ATG10: variants seen among roughly 807,000 people sequenced by gnomAD.
The protein encoded by ATG10 is autophagy related 10.
ATG10 carries 30 observed loss-of-function variants against 32.1 expected under a neutral mutation model. The observed-to-expected ratio is 0.94, with a 90% CI of 0.70 to 1.27. ATG10 has a LOEUF of 1.27. Ranked by LOEUF, ATG10 falls within the 50% of genes most tolerant of loss-of-function variation. The probability of loss-of-function intolerance (pLI) is 0.00; values close to 1 mark genes in which losing one functional copy is unlikely to be tolerated. For missense variants in ATG10, 233 were observed against 262.3 expected, an observed-to-expected ratio of 0.89 and a Z score of 0.77; for synonymous variants, 87 against 91.5, an observed-to-expected ratio of 0.95 and a Z score of 0.28.
At chr5:82,092,755 A>G (rs1305007549) in intron 3 of ATG10, among the ~76,000 whole-genome samples, 1 of 152,194 alleles carries the variant, frequency 6.6e-6, no homozygotes, top group Non-Finnish European at 1.5e-5. Flanking sequence ...CTGCAAGCTC[A>G]GCCAGATATT....
At chr5:82,136,599 T>G (rs1323827976) in intron 3 of ATG10, among the ~76,000 whole-genome samples, 1 of 152,230 alleles carries the variant, frequency 6.6e-6, no homozygotes, top group African/African-American at 2.4e-5. Flanking sequence ...AGATCCACTG[T>G]TAGTCTGATG....
chr5:82,049,760 A>G lies in ATG10; in HGVS notation c.109-8735A>G, dbSNP rs916279755. ...GTTAGTAACTAGAGAGTGAGTTCAA[A>G]AAGGTAAGAAAATAAAAACAAAAAT... On this transcript the variant is annotated intron_variant, in intron 2 of 7. Transcript: ENST00000282185. 4.6e-5 allele frequency among the ~76,000 whole-genome samples: 7 copies of G among 152,128 alleles called. No homozygotes were observed. In the South Asian group the frequency reaches 6.2e-4, roughly 14 times the overall value.
intron 5 of ATG10, among the ~76,000 whole-genome samples, chr5:82,229,736 G>A (rs1746272990): frequency 6.6e-6 from 1 of 152,110 alleles, no homozygotes; most frequent in Non-Finnish European, 1.5e-5. Context: ...AGTCCTCCAT[G>A]TCTGCAGGTG....
intron 2 of ATG10, among the ~76,000 whole-genome samples, chr5:82,044,944 C>T (rs1763192168): frequency 6.6e-6 from 1 of 152,206 alleles, no homozygotes; most frequent in Admixed American, 6.5e-5. Context: ...TTGTACTCTG[C>T]TGCACAGATT....
intron 3 of ATG10, among the ~76,000 whole-genome samples, chr5:82,069,714 T>G (rs1157552568): frequency 6.6e-6 from 1 of 152,230 alleles, no homozygotes; most frequent in Non-Finnish European, 1.5e-5. Flanking sequence ...AATATTAGTA[T>G]AAATATTTTG....
At chr5:82,215,923 G>T (rs896383647) in intron 5 of ATG10, among the ~76,000 whole-genome samples, 1 of 141,336 alleles carries the variant, frequency 7.1e-6, no homozygotes, top group African/African-American at 2.8e-5. Flanking sequence ...CAACAAGAGC[G>T]AAACTCCATC....
chr5:82,252,435 C>A, intron 5 of ATG10, 127 bp from the exon 6 acceptor site: 1 of 657,036 alleles, frequency 1.5e-6, no homozygotes, highest in Non-Finnish European at 2.7e-6. Flanking sequence ...AGAAAATAAA[C>A]CTGTATATTA....
chr5:82,200,463 CTTTTTTTTTTTTTT>C (rs764388608), intron 5 of ATG10, among the ~76,000 whole-genome samples: 15 of 52,500 alleles, frequency 2.9e-4, no homozygotes, highest in Admixed American at 5.4e-4. Flanking sequence ...TCCCTAACTT[CTTTTTTTTTTTTTT>C]TTTTTTTTTT....
chr5:82,106,633 T>G (rs370847119), intron 3 of ATG10, among the ~76,000 whole-genome samples: 2 of 152,212 alleles, frequency 1.3e-5, no homozygotes, highest in East Asian at 3.9e-4. Flanking sequence ...ACACCAATCT[T>G]TAACAGCCTC....
chr5:81,974,707 C>G (rs1224752713), intron 1 of ATG10, among the ~76,000 whole-genome samples: 1 of 152,160 alleles, frequency 6.6e-6, no homozygotes, highest in African/African-American at 2.4e-5. Flanking sequence ...AGCCGTGACT[C>G]CTGGCTCAAG....
intron 1 of ATG10, among the ~76,000 whole-genome samples, chr5:81,983,222 G>A (rs1360070578): frequency 2.8e-5 from 4 of 142,990 alleles, no homozygotes; most frequent in African/African-American, 1.0e-4. Context: ...GCGACTGGCC[G>A]GGCTGGGGGC....
intron 5 of ATG10, among the ~76,000 whole-genome samples, chr5:82,244,805 T>C (rs1746958208): frequency 6.6e-6 from 1 of 152,228 alleles, no homozygotes; most frequent in Non-Finnish European, 1.5e-5. Flanking sequence ...CTTGTCAGAC[T>C]TATTTTATGA....
At chr5:82,120,188 G>A (rs563575240) in intron 3 of ATG10, among the ~76,000 whole-genome samples, 1 of 152,252 alleles carries the variant, frequency 6.6e-6, no homozygotes, top group African/African-American at 2.4e-5. Flanking sequence ...GTTATTGACA[G>A]TATTTCTAAT....
intron 2 of ATG10, among the ~76,000 whole-genome samples, chr5:82,020,121 C>G (rs575304817): frequency 6.6e-6 from 1 of 152,202 alleles, no homozygotes; most frequent in Non-Finnish European, 1.5e-5. Flanking sequence ...CAACAGCAAA[C>G]AAGAAGAGGA....
intron 2 of ATG10, among the ~76,000 whole-genome samples, chr5:81,995,618 T>G (rs758612197): frequency 4.6e-5 from 7 of 152,148 alleles, no homozygotes; most frequent in Non-Finnish European, 8.8e-5. Flanking sequence ...TGTTTTCTAC[T>G]CATTAAAAAA....
intron 2 of ATG10, among the ~76,000 whole-genome samples, chr5:82,018,467 T>G (rs773379367): frequency 7.9e-5 from 12 of 152,242 alleles, no homozygotes; most frequent in Non-Finnish European, 1.5e-4. Flanking sequence ...ACAAGTCAGA[T>G]TGTGTCACTT....
At chr5:82,058,417 A>T in intron 2 of ATG10, 78 bp from the exon 3 acceptor site, 1 of 1,051,302 alleles carries the variant, frequency 9.5e-7, no homozygotes, top group African/African-American at 1.6e-5. Context: ...TTTGGAACTT[A>T]TGGGAAGTGG....
chr5:82,062,244 G>C (rs1193449223), intron 3 of ATG10, among the ~76,000 whole-genome samples: 3 of 152,038 alleles, frequency 2.0e-5, no homozygotes, highest in Non-Finnish European at 4.4e-5. Context: ...GTTTTTAGTA[G>C]TTTGTGTTTC....
intron 5 of ATG10, among the ~76,000 whole-genome samples, chr5:82,232,636 A>G (rs542776386): frequency 6.6e-6 from 1 of 152,266 alleles, no homozygotes; most frequent in East Asian, 1.9e-4. Context: ...ATTTTTCTCC[A>G]TCTTTACTGT....
Sources: gnomAD v4.1 joint callset for allele counts (sites outside exome capture counted in the v4.1 genomes callset) on GRCh38, gnomAD v4.1.1 for gene constraint, MANE v1.5 for transcripts, NCBI Gene and HGNC (gene_info 2026-07-23, HGNC 2026-07-21) for gene names.